MAPK4: variants seen among roughly 807,000 people sequenced by gnomAD.
MAPK4 encodes the protein mitogen-activated protein kinase 4, also known as Erk3-related.
A neutral mutation model predicts 47.7 loss-of-function variants in MAPK4; 22 were observed. The observed-to-expected ratio is 0.46, with a 90% CI of 0.33 to 0.66. The LOEUF (loss-of-function observed/expected upper bound fraction) is 0.66, where lower values mean the gene tolerates loss of function less well. Among genes scored for constraint, MAPK4 ranks in the 30% least tolerant of loss-of-function variants. The probability of loss-of-function intolerance (pLI) is 0.02; values close to 1 mark genes in which losing one functional copy is unlikely to be tolerated. For synonymous variants in MAPK4, 390 were observed against 365.7 expected (o/e 1.07, Z -0.76); for missense variants, 736 against 831.7 (o/e 0.88, Z 1.42).
chr18:50,573,432 C>T (rs953579571), intron 1 of MAPK4, among the ~76,000 whole-genome samples: 3 of 152,246 alleles, frequency 2.0e-5, no homozygotes, highest in African/African-American at 4.8e-5. Context: ...AGAACAGTGG[C>T]GGCATTAGAT....
intron 1 of MAPK4, among the ~76,000 whole-genome samples, chr18:50,618,827 C>A (rs570875083): frequency 6.6e-6 from 1 of 152,212 alleles, no homozygotes; most frequent in African/African-American, 2.4e-5. Context: ...TGGATCAGGG[C>A]AAGTAAGAGC....
intron 2 of MAPK4, among the ~76,000 whole-genome samples, chr18:50,706,541 C>A (rs1041656707): frequency 1.3e-5 from 2 of 151,992 alleles, no homozygotes; most frequent in African/African-American, 4.8e-5. Flanking sequence ...ACCAGATTTC[C>A]CCTTGAAAGC....
intron 1 of MAPK4, among the ~76,000 whole-genome samples, chr18:50,661,386 G>T (rs981725180): frequency 6.6e-6 from 1 of 152,192 alleles, no homozygotes; most frequent in African/African-American, 2.4e-5. Flanking sequence ...TCCCAGCACT[G>T]TCTCTTAGTG....
intron 1 of MAPK4, among the ~76,000 whole-genome samples, chr18:50,632,314 G>A (rs1352698983): frequency 3.3e-5 from 5 of 152,142 alleles, no homozygotes; most frequent in African/African-American, 9.7e-5. Flanking sequence ...TCAGTGAGGG[G>A]AGGCCAATTT....
intron 2 of MAPK4, among the ~76,000 whole-genome samples, chr18:50,703,935 C>T (rs1337745483): frequency 6.6e-6 from 1 of 152,228 alleles, no homozygotes; most frequent in African/African-American, 2.4e-5. Flanking sequence ...TGCACCCAGA[C>T]AGGCAGGTGG....
chr18:50,569,447 C>T (rs1299259561), intron 1 of MAPK4, among the ~76,000 whole-genome samples: 1 of 152,130 alleles, frequency 6.6e-6, no homozygotes, highest in Non-Finnish European at 1.5e-5. Context: ...GGGGTATCAG[C>T]AATAGTGGGT....
intron 2 of MAPK4, among the ~76,000 whole-genome samples, chr18:50,682,913 T>C (rs1367256690): frequency 6.6e-6 from 1 of 152,194 alleles, no homozygotes; most frequent in Non-Finnish European, 1.5e-5. Flanking sequence ...GAATAAACCA[T>C]TCACAACACT....
intron 2 of MAPK4, among the ~76,000 whole-genome samples, chr18:50,688,847 A>G (rs1281106835): frequency 6.7e-6 from 1 of 149,950 alleles, no homozygotes; most frequent in Admixed American, 6.7e-5. Flanking sequence ...GAACTTACTC[A>G]TATAACCAAA....
chr18:50,575,927 T>C (rs2042293057), intron 1 of MAPK4, among the ~76,000 whole-genome samples: 1 of 151,028 alleles, frequency 6.6e-6, no homozygotes, highest in Non-Finnish European at 1.5e-5. Flanking sequence ...GAAATGCAAA[T>C]CCAAAGCACA....
chr18:50,665,629 A>G (rs1907558052), intron 2 of MAPK4, among the ~76,000 whole-genome samples: 1 of 152,172 alleles, frequency 6.6e-6, no homozygotes, highest in Non-Finnish European at 1.5e-5. Context: ...TGCCCTCTAC[A>G]GCTGCAGTGC....
At chr18:50,681,887 GC>G (rs1908607272) in intron 2 of MAPK4, among the ~76,000 whole-genome samples, 1 of 152,098 alleles carries the variant, frequency 6.6e-6, no homozygotes, top group South Asian at 2.1e-4. Flanking sequence ...GACTATTCAG[GC>G]CTTAGAAAGG....
intron 1 of MAPK4, among the ~76,000 whole-genome samples, chr18:50,597,143 C>T (rs1347930715): frequency 2.0e-5 from 3 of 152,128 alleles, no homozygotes; most frequent in Non-Finnish European, 4.4e-5. Flanking sequence ...CCATTCAACC[C>T]AATGAAAAGT....
At position 50,678,441 on chromosome 18, in the gene MAPK4, G is replaced by A. The variant is rs954940627; in HGVS notation, c.546+13937G>A. Among the ~76,000 whole-genome samples the A allele has an allele frequency of 2.0e-5, 3 of 152,050 alleles. No individual in the cohort carries two copies. Among genetic ancestry groups the A allele is most frequent in the Non-Finnish European group, 2.9e-5 (2 of 68,010 alleles). ...GGACCAACCAATCTGAACAGACATC[G>A]GCAGTGACCAATCAGAGTAGATACT... On this transcript the variant is annotated intron_variant, in intron 2 of 5. Coordinates refer to ENST00000400384, the MANE Select transcript of MAPK4 (RefSeq NM_002747.4). This position sits in a 1 kb window ranked among gnomAD's most constrained non-coding sequence, Gnocchi z 4.2.
chr18:50,616,618 A>G (rs2042686996), intron 1 of MAPK4, among the ~76,000 whole-genome samples: 1 of 152,214 alleles, frequency 6.6e-6, no homozygotes, highest in Admixed American at 6.5e-5. Flanking sequence ...GAAATAGAGA[A>G]GCCAACAGTG....
In MAPK4 at chr18:50,618,497, G is replaced by A. The variant is rs186185638; in HGVS notation, c.-870-44592G>A. ...ACAGCTTTTAAAAAACAGTTCCACCGTAAAAATGTATATATAAAATCTGGG... is the reference window on the plus strand; with the variant it reads ...ACAGCTTTTAAAAAACAGTTCCACCATAAAAATGTATATATAAAATCTGGG... On this transcript the variant is annotated intron_variant, in intron 1 of 5. Coordinates refer to ENST00000400384, the MANE Select transcript of MAPK4 (RefSeq NM_002747.4). Among the ~76,000 whole-genome samples, 39 of 152,150 alleles carry A rather than the reference G, an allele frequency of 2.6e-4. No homozygotes were observed. The Middle Eastern group carries it at 0.017, about 66-fold the overall frequency.
At chr18:50,613,835 CAT>C (rs2149378614) in intron 1 of MAPK4, among the ~76,000 whole-genome samples, 1 of 152,242 alleles carries the variant, frequency 6.6e-6, no homozygotes, top group Admixed American at 6.5e-5. Context: ...TAAGCCAGGG[CAT>C]TGCATTGTTT....
chr18:50,559,634 C>T (rs967807312), upstream of MAPK4, among the ~76,000 whole-genome samples: 2 of 151,246 alleles, frequency 1.3e-5, no homozygotes, highest in African/African-American at 2.4e-5. Context: ...ACCGGGCCCC[C>T]GGCGGCTGCA....
At chr18:50,583,316 G>A (rs186814606) in intron 1 of MAPK4, among the ~76,000 whole-genome samples, 9 of 152,280 alleles carry the variant, frequency 5.9e-5, no homozygotes, top group Admixed American at 1.3e-4. Flanking sequence ...AGCCAGGTGC[G>A]GTGGCTCACG....
Position 50,642,112 on chromosome 18 carries a change from A to G in MAPK4, c.-870-20977A>G, listed in dbSNP as rs561088162. Among the ~76,000 whole-genome samples, 12 of 152,398 alleles carry G rather than the reference A, an allele frequency of 7.9e-5. No homozygotes were observed. In the South Asian group the frequency reaches 2.5e-3, roughly 32 times the overall value. On this transcript the variant is annotated intron_variant, in intron 1 of 5. Transcript: ENST00000400384. The stretch of plus-strand genomic sequence containing the variant: ...AAAGTCAGGGGATTGTAATTAAAAT[A>G]AGTCAATGATAACCACTTTAAAAGA...
Sources: allele counts gnomAD v4.1 joint callset (sites outside exome capture counted in the v4.1 genomes callset), GRCh38; gene constraint gnomAD v4.1.1; non-coding constraint Gnocchi (gnomAD v3.1); transcripts MANE v1.5; gene names NCBI Gene and HGNC (gene_info 2026-07-23, HGNC 2026-07-21).